Variants in FREM3 observed in about 807,000 individuals in gnomAD.
FREM3 encodes the protein FRAS1 related extracellular matrix 3, also known as FRAS1-related extracellular matrix protein 3.
A neutral mutation model predicts 129.1 loss-of-function variants in FREM3; 105 were observed. The observed-to-expected ratio is 0.81, with a 90% CI of 0.69 to 0.96. FREM3 has a LOEUF of 0.96. Among genes scored for constraint, FREM3 ranks in the 40% least tolerant of loss-of-function variants. FREM3 has a pLI of 0.00. For missense variants in FREM3, 2,593 were observed against 2,666.3 expected (o/e 0.97, Z 0.61); for synonymous variants, 1,014 against 1,044.9 (o/e 0.97, Z 0.57).
intron 6 of FREM3, among the ~76,000 whole-genome samples, chr4:143,602,484 C>G (rs1253588905): frequency 1.3e-5 from 2 of 152,082 alleles, no homozygotes; most frequent in African/African-American, 4.8e-5. Flanking sequence ...GCAGAAGTAT[C>G]TCCCAAAAAA....
intron 2 of FREM3, among the ~76,000 whole-genome samples, chr4:143,664,534 G>T (rs1040672189): frequency 3.3e-4 from 50 of 152,136 alleles, no homozygotes; most frequent in African/African-American, 1.1e-3. Flanking sequence ...CGTGGGTCAG[G>T]GGTCAGGGAC....
intron 2 of FREM3, among the ~76,000 whole-genome samples, chr4:143,663,338 T>G (rs1739780567): frequency 6.6e-6 from 1 of 152,096 alleles, no homozygotes; most frequent in Admixed American, 6.6e-5. Context: ...CTCCTTCACT[T>G]ATGAAGCTTA....
rs573039476 is a variant in FREM3, at chr4:143,590,265, C to T, written c.6029-4272G>A. ...GCCTGACTGCCCTGGCCAGAACTTC[C>T]AACACTATGTTGAATAGGAGTGATG... On this transcript the variant is annotated intron_variant, in intron 6 of 7. Coordinates refer to ENST00000329798, the MANE Select transcript of FREM3 (RefSeq NM_001168235.2). Among the ~76,000 whole-genome samples the T allele has an allele frequency of 6.0e-3, 913 of 152,264 alleles. 14 individuals carry two copies. Among genetic ancestry groups the T allele is most frequent in the African/African-American group, 0.021 (865 of 41,520 alleles).
In FREM3 at chr4:143,577,662, G is replaced by C. The variant is rs1457502412; in HGVS notation, c.6369C>G (p.Ile2123Met). 8 of 1,537,222 alleles carry C rather than the reference G, an allele frequency of 5.2e-6. No individual in the cohort carries two copies. The East Asian group carries it at 1.7e-4, about 33-fold the overall frequency. ...LGEPNKTTIF[I>M]EDTITDCKQS... ...GCTTACAGTCCGTGATGGTGTCCTCGATGAAAATGGTAGTTTTATTTGGTT... is the reference window on the plus strand; with the variant it reads ...GCTTACAGTCCGTGATGGTGTCCTCCATGAAAATGGTAGTTTTATTTGGTT... The change falls in exon 8 of 8, where the codon ATC (isoleucine) becomes ATG (methionine). Residue 2123 changes from isoleucine (I) to methionine (M), a missense_variant. Transcript: ENST00000329798.
At chr4:143,624,405 T>C (rs1253963267) in intron 3 of FREM3, 67 bp from the exon 4 acceptor site, 2 of 944,884 alleles carry the variant, frequency 2.1e-6, no homozygotes, top group Non-Finnish European at 3.2e-6. Flanking sequence ...CCTTTCAAAG[T>C]GGTTTCTATT....
At chr4:143,688,666 C>G (rs1423982954) in intron 2 of FREM3, among the ~76,000 whole-genome samples, 3 of 152,086 alleles carry the variant, frequency 2.0e-5, no homozygotes. Flanking sequence ...GGTACTGGTA[C>G]AAAAATAGGC....
At position 143,700,547 on chromosome 4, in the gene FREM3, C is replaced by T; in HGVS notation, c.129G>A (p.Ala43=). Residue 43 remains alanine (A), a synonymous_variant, in exon 1 of 8, where the codon GCG becomes GCA. Coordinates refer to ENST00000329798, the MANE Select transcript of FREM3 (RefSeq NM_001168235.2). ...GCGCACCCCGGGCGGGCAGGTAAAGCGCCGGGTCGGGCTCGGTCCCAAGTG... is the reference window on the plus strand; with the variant it reads ...GCGCACCCCGGGCGGGCAGGTAAAGTGCCGGGTCGGGCTCGGTCCCAAGTG... ...ASSLGTEPDP[A]LYLPARGALD... 1 of 1,518,678 alleles carries T rather than the reference C, an allele frequency of 6.6e-7. No homozygotes were observed. The highest frequency in any genetic ancestry group is 8.8e-7 in the Non-Finnish European group (1 of 1,136,522). The allele number at this position is 1,518,678 out of a possible 1,614,324, so 94.1% of individuals were successfully genotyped here.
intron 6 of FREM3, among the ~76,000 whole-genome samples, chr4:143,594,817 A>G (rs891244265): frequency 1.3e-5 from 2 of 152,230 alleles, no homozygotes; most frequent in Non-Finnish European, 2.9e-5. Context: ...CAGAACAGAG[A>G]AAACAGCTCC....
At position 143,577,655 on chromosome 4, in the gene FREM3, T is replaced by C. The variant is rs1156243421; in HGVS notation, c.6376A>G (p.Thr2126Ala). Residue 2126 changes from threonine (T) to alanine (A), a missense_variant, in exon 8 of 8, where the codon ACC becomes GCC. Thr to Ala is a moderately conservative substitution (Grantham distance 58). Transcript: ENST00000329798. ...PNKTTIFIED[T>A]ITDCKQSACS... ...GCACTCTGCTTACAGTCCGTGATGG[T>C]GTCCTCGATGAAAATGGTAGTTTTA... 2 of 1,537,342 alleles carry C rather than the reference T, an allele frequency of 1.3e-6. No individual in the cohort carries two copies. The highest frequency in any genetic ancestry group is 1.7e-6 in the Non-Finnish European group (2 of 1,146,916).
At chr4:143,611,241 G>C (rs760364104) in intron 6 of FREM3, 38 bp downstream of exon 6, 1 of 1,513,994 alleles carries the variant, frequency 6.6e-7, no homozygotes. Flanking sequence ...TGAGAAGGCA[G>C]CTATTGCCAA....
Position 143,696,229 on chromosome 4 carries a change from T to C in FREM3, c.4447A>G (p.Ile1483Val), listed in dbSNP as rs1282627246. ...LESSDYAGEP[I>V]ASFTQLQLAS... is the part of the protein sequence containing the mutation. ...AATTGAAGTTGAGTGAAAGAGGCAA[T>C]GGGTTCCCCAGCATAGTCAGAACTT... is the stretch of plus-strand genomic sequence containing the variant. Residue 1483 changes from isoleucine (I) to valine (V), a missense_variant, in exon 1 of 8, where the codon ATT becomes GTT. Ile to Val is a conservative substitution (Grantham distance 29). This residue lies in a region of FREM3 where 2,276 missense variants were observed against 2,267.2 expected (regional missense o/e 1.00). Transcript: ENST00000329798. The C allele has an allele frequency of 1.3e-6, 2 of 1,537,900 alleles. No homozygotes were observed. Among genetic ancestry groups the C allele is most frequent in the East Asian group, 2.4e-5 (1 of 40,908 alleles).
chr4:143,675,714 C>G (rs1248278441), intron 2 of FREM3, among the ~76,000 whole-genome samples: 2 of 152,096 alleles, frequency 1.3e-5, no homozygotes, highest in African/African-American at 4.8e-5. Context: ...GGGATATCAC[C>G]ACTGATCCCA....
intron 2 of FREM3, among the ~76,000 whole-genome samples, chr4:143,684,950 G>C (rs13130071): frequency 0.91 from 137,825 of 152,128 alleles, 63,642 homozygotes; most frequent in Non-Finnish European, 1. Context: ...CCCAATCCAA[G>C]AAAGAAAAAA....
Position 143,624,228 on chromosome 4 carries a change from T to C in FREM3, c.5533A>G (p.Ile1845Val), listed in dbSNP as rs1427749130. 31 of 1,536,104 alleles carry C rather than the reference T, an allele frequency of 2.0e-5. No homozygotes were observed. The highest frequency in any genetic ancestry group is 2.7e-5 in the Non-Finnish European group (31 of 1,145,864). Residue 1845 changes from isoleucine to valine, a missense_variant, in exon 4 of 8, where the codon ATT becomes GTT. Ile to Val is a conservative substitution (Grantham distance 29). Around this residue, in one of 2 missense-constraint regions of FREM3, gnomAD observed 317 missense variants for 399.0 expected, o/e 0.79. Coordinates refer to ENST00000329798, the MANE Select transcript of FREM3 (RefSeq NM_001168235.2). ...GQTTATWRVR[I>V]IPDNEYETSE... ...GTCTCATATTCATTGTCAGGTATAA[T>C]TCTCACCCTCCATGTGGCTGTAGTC...
chr4:143,578,924 G>T (rs146509475), intron 7 of FREM3, among the ~76,000 whole-genome samples: 1 of 152,108 alleles, frequency 6.6e-6, no homozygotes, highest in Non-Finnish European at 1.5e-5. Context: ...TTTGAATGAG[G>T]TCTGAGTAGA....
At chr4:143,615,619 C>A (rs1738828896) in intron 5 of FREM3, among the ~76,000 whole-genome samples, 1 of 150,658 alleles carries the variant, frequency 6.6e-6, no homozygotes, top group Non-Finnish European at 1.5e-5. Flanking sequence ...GATGCCCGTA[C>A]AGTAAAAAAC....
At position 143,700,607 on chromosome 4, in the gene FREM3, G is replaced by A. The variant is rs1182346227; in HGVS notation, c.69C>T (p.Leu23=). The change falls in exon 1 of 8, where the codon CTC becomes CTT. Residue 23 remains leucine, a synonymous_variant. Coordinates refer to ENST00000329798, the MANE Select transcript of FREM3 (RefSeq NM_001168235.2). Reference sequence around the variant, plus strand: ...GTCCCTGCAGCGCGGGGCGACTCAAGAGCAGGCAGGCGAGCGCCACAAGGA... The same window carrying A: ...GTCCCTGCAGCGCGGGGCGACTCAAAAGCAGGCAGGCGAGCGCCACAAGGA... The part of the protein sequence containing the change: ...RQLLVALACL[L]LSRPALQGRA... The A allele has an allele frequency of 2.1e-6, 3 of 1,460,766 alleles. No individual in the cohort carries two copies. In the African/African-American group the frequency reaches 4.3e-5, roughly 21 times the overall value. The allele number at this position is 1,460,766 out of a possible 1,614,324, so 90.5% of individuals were successfully genotyped here. A position where few individuals can be genotyped will look rare whatever the true frequency, so the allele number is the denominator to read the frequency against.
chr4:143,600,757 A>C (rs951108927), intron 6 of FREM3, among the ~76,000 whole-genome samples: 8 of 152,206 alleles, frequency 5.3e-5, no homozygotes, highest in Admixed American at 4.6e-4. Flanking sequence ...ATGTAACATA[A>C]CTAACAAATA....
At chr4:143,584,750 G>T (rs1738208994) in intron 7 of FREM3, among the ~76,000 whole-genome samples, 1 of 152,066 alleles carries the variant, frequency 6.6e-6, no homozygotes, top group Middle Eastern at 3.2e-3. Flanking sequence ...AGATATTTGG[G>T]ACCCAAATTT....
Sources: allele counts gnomAD v4.1 joint callset (sites outside exome capture counted in the v4.1 genomes callset), GRCh38; gene constraint gnomAD v4.1.1; regional missense constraint gnomAD v4.1.1; transcripts MANE v1.5; gene names NCBI Gene and HGNC (gene_info 2026-07-23, HGNC 2026-07-21).